Variants in ORC5 observed in about 807,000 individuals in gnomAD.
ORC5 encodes protein phosphatase 1, regulatory subunit 117.
In ORC5, 39 loss-of-function variants were observed where a neutral mutation model predicts 58.8. The ratio of observed to expected loss-of-function variants is 0.66; its 90% CI spans 0.51 to 0.87. The LOEUF is 0.87. Among genes scored for constraint, ORC5 ranks in the 40% least tolerant of loss-of-function variants. The probability of loss-of-function intolerance (pLI) is 0.00; values close to 1 mark genes in which losing one functional copy is unlikely to be tolerated. For synonymous variants in ORC5, 218 were observed against 177.6 expected (o/e 1.23, Z -1.81); for missense variants, 493 against 506.3 (o/e 0.97, Z 0.25).
chr7:104,188,852 T>C (rs1229252833), intron 5 of ORC5, among the ~76,000 whole-genome samples: 1 of 151,982 alleles, frequency 6.6e-6, no homozygotes, highest in African/African-American at 2.4e-5. Flanking sequence ...TGAGATCTGG[T>C]TGTTTCAAAG....
At chr7:104,195,782 G>T (rs929308411) in intron 4 of ORC5, among the ~76,000 whole-genome samples, 1 of 152,072 alleles carries the variant, frequency 6.6e-6, no homozygotes, top group Admixed American at 6.5e-5. Context: ...AATTGTTTTT[G>T]CTATAAAAAT....
At chr7:104,204,568 A>C (rs1050452963) in intron 1 of ORC5, among the ~76,000 whole-genome samples, 3 of 147,678 alleles carry the variant, frequency 2.0e-5, no homozygotes, top group East Asian at 3.9e-4. Flanking sequence ...AATTTTGTTC[A>C]TACTCCATTT....
chr7:104,191,645 C>T (rs1332606790), intron 5 of ORC5, among the ~76,000 whole-genome samples: 2 of 151,876 alleles, frequency 1.3e-5, no homozygotes, highest in African/African-American at 2.4e-5. Flanking sequence ...AGACTACAGA[C>T]AAAAATCTCA....
Position 104,136,805 on chromosome 7 carries a change from A to G in ORC5, c.1238T>C (p.Leu413Pro). The change falls in exon 13 of 14, where the codon CTA (leucine) becomes CCA (proline). Residue 413 changes from leucine to proline, a missense_variant. By Grantham distance (98) the Leu-to-Pro change is moderately conservative. Transcript: ENST00000297431. This position sits in a 1 kb window ranked among gnomAD's most constrained non-coding sequence, Gnocchi z 4.2. ...CCTTGCAATAGCTCTGATGAAGTCT[A>G]GAGACACTGTGCATTTGTATTTTGG... ...DGPKYKCTVS[L>P]DFIRAIARTV... The G allele has an allele frequency of 6.2e-7, 1 of 1,612,650 alleles. No individual in the cohort carries two copies. The highest frequency in any genetic ancestry group is 1.3e-5 in the African/African-American group (1 of 75,022).
At chr7:104,152,526 A>G (rs531106189) in intron 12 of ORC5, among the ~76,000 whole-genome samples, 1 of 151,856 alleles carries the variant, frequency 6.6e-6, no homozygotes, top group African/African-American at 2.4e-5. Flanking sequence ...TCTTATTAAA[A>G]CTCTTCTCAT....
chr7:104,132,062 TTATC>T (rs1395260203), intron 13 of ORC5, among the ~76,000 whole-genome samples: 2 of 152,112 alleles, frequency 1.3e-5, no homozygotes, highest in Non-Finnish European at 2.9e-5. Context: ...ATGAAAAACA[TTATC>T]TCTCTTTGCT....
chr7:104,202,777 CAT>C (rs1367459319), intron 2 of ORC5, among the ~76,000 whole-genome samples: 4 of 152,176 alleles, frequency 2.6e-5, no homozygotes, highest in Non-Finnish European at 5.9e-5. Context: ...ATAGCCCAGG[CAT>C]ATGTGTTTTT....
intron 5 of ORC5, among the ~76,000 whole-genome samples, chr7:104,193,965 CATTA>C (rs932118293): frequency 1.2e-4 from 18 of 151,556 alleles, no homozygotes; most frequent in Admixed American, 7.9e-4. Context: ...TAATTACTTA[CATTA>C]ATTCAACTTG....
In ORC5 at chr7:104,147,219, AAGG is replaced by A. The variant is rs1798770672; in HGVS notation, c.1150-10329_1150-10327del. Among the ~76,000 whole-genome samples, 3 of 128,454 alleles carry A rather than the reference AAGG, an allele frequency of 2.3e-5. No individual in the cohort carries two copies. The South Asian group carries it at 8.0e-4, about 34-fold the overall frequency. 84.3% of individuals were successfully genotyped at this position (128,454 alleles called of 152,430 possible). A position where few individuals can be genotyped will look rare whatever the true frequency, so the allele number is the denominator to read the frequency against. On this transcript the variant is annotated intron_variant, in intron 12 of 13. Transcript: ENST00000297431. ...TAGTTATGACTTGGGGCTCAGACTC[AAGG>A]AGGATTTGTAGCTACTGGTTTCATG...
intron 2 of ORC5, among the ~76,000 whole-genome samples, chr7:104,202,993 A>G (rs1425138566): frequency 6.6e-6 from 1 of 152,260 alleles, no homozygotes; most frequent in Non-Finnish European, 1.5e-5. Flanking sequence ...CAGGGTGCTA[A>G]GGTTGCAAAA....
chr7:104,202,115 A>AATT (rs1799960464), intron 2 of ORC5, among the ~76,000 whole-genome samples: 1 of 151,612 alleles, frequency 6.6e-6, no homozygotes, highest in Non-Finnish European at 1.5e-5. Context: ...AAAAAAAACT[A>AATT]GCCCTTCATT....
chr7:104,167,681 CTG>C (rs1185974392), intron 9 of ORC5, among the ~76,000 whole-genome samples: 3 of 152,204 alleles, frequency 2.0e-5, no homozygotes, highest in South Asian at 2.1e-4. Context: ...GTGTCAGACA[CTG>C]TGTTAGGTGC....
At chr7:104,157,223 A>G (rs1159208268) in intron 12 of ORC5, among the ~76,000 whole-genome samples, 1 of 151,954 alleles carries the variant, frequency 6.6e-6, no homozygotes, top group Non-Finnish European at 1.5e-5. Flanking sequence ...TCTGGAACAC[A>G]ATATATATGT....
chr7:104,206,882 T>C (rs774371517), intron 1 of ORC5, among the ~76,000 whole-genome samples: 16 of 152,192 alleles, frequency 1.1e-4, no homozygotes, highest in Admixed American at 3.3e-4. Flanking sequence ...GTTTATAGCC[T>C]AGGAGGAACA....
At chr7:104,201,230 C>A (rs1225652921) in intron 2 of ORC5, among the ~76,000 whole-genome samples, 1 of 152,096 alleles carries the variant, frequency 6.6e-6, no homozygotes, top group Non-Finnish European at 1.5e-5. Flanking sequence ...CCCACCATGA[C>A]CCCTCAGTGG....
intron 13 of ORC5, among the ~76,000 whole-genome samples, chr7:104,135,324 T>A (rs1258703081): frequency 6.6e-6 from 1 of 152,210 alleles, no homozygotes; most frequent in Non-Finnish European, 1.5e-5. Context: ...AAAAAATAAG[T>A]TTCTGCTCAA....
intron 1 of ORC5, among the ~76,000 whole-genome samples, chr7:104,206,011 A>G (rs1800073531): frequency 1.3e-5 from 2 of 152,202 alleles, no homozygotes; most frequent in Admixed American, 1.3e-4. Context: ...CTGTCTCAAA[A>G]AACAAAAACA....
intron 8 of ORC5, among the ~76,000 whole-genome samples, chr7:104,176,504 CAA>C (rs1209159570): frequency 1.3e-5 from 2 of 151,876 alleles, no homozygotes; most frequent in Non-Finnish European, 2.9e-5. Context: ...CTTATTGACA[CAA>C]AGAGTCTGTT....
chr7:104,162,638 G>A (rs1342811000), intron 11 of ORC5, among the ~76,000 whole-genome samples: 1 of 152,286 alleles, frequency 6.6e-6, no homozygotes, highest in African/African-American at 2.4e-5. Context: ...AATTTTGTAT[G>A]CTTTTGTCAC....
Sources: allele counts gnomAD v4.1 joint callset (sites outside exome capture counted in the v4.1 genomes callset), GRCh38; gene constraint gnomAD v4.1.1; non-coding constraint Gnocchi (gnomAD v3.1); transcripts MANE v1.5; gene names NCBI Gene and HGNC (gene_info 2026-07-23, HGNC 2026-07-21).